Variants in ARHGAP24 observed in about 807,000 individuals in gnomAD.
The protein encoded by ARHGAP24 is Rho GTPase activating protein 24, also known as rho GTPase-activating protein 24.
ARHGAP24 carries 50 observed loss-of-function variants against 76.4 expected under a neutral mutation model. That is an observed-to-expected ratio of 0.65 (90% CI 0.52 to 0.83). The LOEUF (loss-of-function observed/expected upper bound fraction) is 0.83. ARHGAP24 is among the 40% of genes least tolerant of loss of function. The pLI is 0.00. For synonymous variants in ARHGAP24, 345 were observed against 323.3 expected (o/e 1.07, Z -0.72); for missense variants, 930 against 914.2 (o/e 1.02, Z -0.22).
chr4:85,526,196 A>G (rs919749561), intron 1 of ARHGAP24, among the ~76,000 whole-genome samples: 1 of 152,020 alleles, frequency 6.6e-6, no homozygotes, highest in African/African-American at 2.4e-5. Context: ...GGATGGCCTG[A>G]GCGAAGTGTT....
intron 1 of ARHGAP24, among the ~76,000 whole-genome samples, chr4:85,511,452 ATTATT>A: frequency 6.6e-6 from 1 of 151,032 alleles, no homozygotes; most frequent in Non-Finnish European, 1.5e-5. Flanking sequence ...ATTTTATTTT[ATTATT>A]TTATTTTATT....
intron 3 of ARHGAP24, among the ~76,000 whole-genome samples, chr4:85,787,816 T>C (rs1727922136): frequency 1.3e-5 from 2 of 152,206 alleles, no homozygotes; most frequent in African/African-American, 4.8e-5. Flanking sequence ...GCTGAGTACA[T>C]GGGGGACAGA....
chr4:85,969,822 A>G (rs1029219264), intron 5 of ARHGAP24, among the ~76,000 whole-genome samples: 1 of 152,172 alleles, frequency 6.6e-6, no homozygotes, highest in Non-Finnish European at 1.5e-5. Flanking sequence ...ATTTTTTGGA[A>G]TTTAGTTTTA....
chr4:85,523,963 G>A (rs1240487645), intron 1 of ARHGAP24, among the ~76,000 whole-genome samples: 1 of 152,116 alleles, frequency 6.6e-6, no homozygotes, highest in Non-Finnish European at 1.5e-5. Context: ...TACTGTGATG[G>A]GATTAAGCCT....
At chr4:85,972,595 C>T (rs146577314) in intron 6 of ARHGAP24, among the ~76,000 whole-genome samples, 48 of 152,248 alleles carry the variant, frequency 3.2e-4, no homozygotes, top group Middle Eastern at 3.4e-3. Flanking sequence ...ACAATACAAT[C>T]GCCCATTTAA....
chr4:85,776,321 C>A (rs1727307495), intron 3 of ARHGAP24, among the ~76,000 whole-genome samples: 1 of 152,162 alleles, frequency 6.6e-6, no homozygotes, highest in East Asian at 1.9e-4. Flanking sequence ...TGAAATTCAA[C>A]ACCACAGGGC....
Position 85,994,794 on chromosome 4 carries a change from GT to G in ARHGAP24, c.1141del (p.Ser381HisfsTer7). 6.2e-7 allele frequency: 1 copy of G among 1,614,096 alleles called. No individual in the cohort carries two copies. The highest frequency in any genetic ancestry group is 8.5e-7 in the Non-Finnish European group (1 of 1,180,032). On this transcript the variant is annotated frameshift_variant, in exon 9 of 10. Transcript: ENST00000395184. LOFTEE classifies it high-confidence loss of function. The part of the protein sequence containing the change: ...SRQCSWDKSE[S>X]PQRSSMNNGS... ...GGCAGTGCTCCTGGGACAAGTCTGA[GT>G]CACCCCAGAGAAGCAGCATGAACAA... is the stretch of plus-strand genomic sequence containing the variant.
At chr4:85,784,969 CTCTA>C (rs1482290069) in intron 3 of ARHGAP24, among the ~76,000 whole-genome samples, 1 of 147,520 alleles carries the variant, frequency 6.8e-6, no homozygotes, top group Non-Finnish European at 1.5e-5. Context: ...CTCTCTATCT[CTCTA>C]TCTGCTTTCC....
At chr4:85,875,847 T>TAATA (rs1732900400) in intron 3 of ARHGAP24, among the ~76,000 whole-genome samples, 1 of 150,910 alleles carries the variant, frequency 6.6e-6, no homozygotes, top group Non-Finnish European at 1.5e-5. Context: ...GTTCAAGCAA[T>TAATA]TTTCCTGCTT....
At chr4:85,577,377 T>G (rs2109968802) in intron 2 of ARHGAP24, among the ~76,000 whole-genome samples, 1 of 152,256 alleles carries the variant, frequency 6.6e-6, no homozygotes, top group African/African-American at 2.4e-5. Flanking sequence ...GATTTTGCAA[T>G]TTTAACTTTT....
chr4:85,781,288 AAT>A (rs1379439801), intron 3 of ARHGAP24, among the ~76,000 whole-genome samples: 4 of 152,218 alleles, frequency 2.6e-5, no homozygotes, highest in South Asian at 2.1e-4. Flanking sequence ...AATATATGAC[AAT>A]ATGTGTTTTC....
chr4:85,746,422 C>A (rs368782503), intron 3 of ARHGAP24, among the ~76,000 whole-genome samples: 1 of 152,166 alleles, frequency 6.6e-6, no homozygotes. Flanking sequence ...CTCAAAATAA[C>A]CAACTCCAAA....
intron 3 of ARHGAP24, among the ~76,000 whole-genome samples, chr4:85,902,583 G>A (rs1214407797): frequency 6.6e-6 from 1 of 152,036 alleles, no homozygotes; most frequent in African/African-American, 2.4e-5. Flanking sequence ...GTTCCCCTTG[G>A]GCTGGATCAT....
At chr4:85,935,717 T>C (rs1194331056) in intron 4 of ARHGAP24, among the ~76,000 whole-genome samples, 1 of 152,188 alleles carries the variant, frequency 6.6e-6, no homozygotes, top group African/African-American at 2.4e-5. Flanking sequence ...TGTCTGTGAA[T>C]GCCAAATAAA....
At chr4:85,624,705 G>C (rs1720868670) in intron 2 of ARHGAP24, among the ~76,000 whole-genome samples, 1 of 151,090 alleles carries the variant, frequency 6.6e-6, no homozygotes, top group African/African-American at 2.4e-5. Flanking sequence ...AGTGGTCCTG[G>C]ACTTTTTTTG....
intron 3 of ARHGAP24, among the ~76,000 whole-genome samples, chr4:85,879,223 A>G (rs1365303930): frequency 1.3e-5 from 2 of 152,214 alleles, no homozygotes; most frequent in Non-Finnish European, 2.9e-5. Context: ...ATTGTGTTCC[A>G]TGAACATATC....
intron 3 of ARHGAP24, among the ~76,000 whole-genome samples, chr4:85,738,481 A>G (rs986299608): frequency 6.6e-6 from 1 of 150,874 alleles, no homozygotes; most frequent in African/African-American, 2.4e-5. Context: ...CAGATATAAA[A>G]CCTATAATAT....
At chr4:85,887,334 A>G (rs967413489) in intron 3 of ARHGAP24, among the ~76,000 whole-genome samples, 1 of 152,176 alleles carries the variant, frequency 6.6e-6, no homozygotes, top group Admixed American at 6.5e-5. Context: ...CTTCTCATCC[A>G]AGGTTAATTA....
chr4:85,598,749 T>G (rs1007713841), intron 2 of ARHGAP24, among the ~76,000 whole-genome samples: 3 of 150,280 alleles, frequency 2.0e-5, no homozygotes, highest in Non-Finnish European at 4.4e-5. Context: ...TTGTTTTGTT[T>G]TTTTTTTTTT....
Sources: allele counts gnomAD v4.1 joint callset (sites outside exome capture counted in the v4.1 genomes callset), GRCh38; gene constraint gnomAD v4.1.1; transcripts MANE v1.5; gene names NCBI Gene and HGNC (gene_info 2026-07-23, HGNC 2026-07-21).